Variants in DLG2 observed in about 807,000 individuals in gnomAD.
DLG2 encodes the protein disks large homolog 2.
Under a neutral mutation model 132.5 loss-of-function variants are expected in DLG2, and 45 were observed. The ratio of observed to expected loss-of-function variants is 0.34; its 90% CI spans 0.27 to 0.44. The LOEUF (loss-of-function observed/expected upper bound fraction) is 0.44, where lower values mean the gene tolerates loss of function less well. Among genes scored for constraint, DLG2 ranks in the 20% least tolerant of loss-of-function variants. DLG2 has a pLI of 1.00. For synonymous variants in DLG2, 424 were observed against 419.6 expected (o/e 1.01, Z -0.13); for missense variants, 1,045 against 1,196.9 (o/e 0.87, Z 1.87).
At chr11:84,707,614 G>T (rs1204733022) in intron 6 of DLG2, among the ~76,000 whole-genome samples, 1 of 151,758 alleles carries the variant, frequency 6.6e-6, no homozygotes, top group African/African-American at 2.4e-5. Context: ...GCTGAAAGAG[G>T]TCAGAAGCCA....
chr11:85,270,589 T>C (rs2077468893), intron 4 of DLG2, among the ~76,000 whole-genome samples: 1 of 152,138 alleles, frequency 6.6e-6, no homozygotes, highest in South Asian at 2.1e-4. Flanking sequence ...GAGGAAAATG[T>C]GGGAAAGTTT....
intron 6 of DLG2, among the ~76,000 whole-genome samples, chr11:84,871,825 C>G (rs755642201): frequency 6.6e-5 from 10 of 152,032 alleles, no homozygotes; most frequent in Non-Finnish European, 1.2e-4. Context: ...TGGGTTCAAG[C>G]GAGCATGTGC....
At chr11:84,741,000 T>G (rs1486702058) in intron 6 of DLG2, among the ~76,000 whole-genome samples, 2 of 149,836 alleles carry the variant, frequency 1.3e-5, no homozygotes, top group Non-Finnish European at 3.0e-5. Context: ...AGCATCCCCA[T>G]GGACTACGCA....
At chr11:85,243,094 G>C (rs1365168830) in intron 4 of DLG2, among the ~76,000 whole-genome samples, 1 of 151,872 alleles carries the variant, frequency 6.6e-6, no homozygotes, top group Non-Finnish European at 1.5e-5. Flanking sequence ...TAGCCTAATG[G>C]ACCAATCCCT....
At chr11:83,476,817 G>T (rs1035104077) in intron 22 of DLG2, among the ~76,000 whole-genome samples, 1 of 152,076 alleles carries the variant, frequency 6.6e-6, no homozygotes, top group African/African-American at 2.4e-5. Flanking sequence ...TATGGAAATG[G>T]GGCTATTAAT....
intron 7 of DLG2, among the ~76,000 whole-genome samples, chr11:84,307,324 A>G (rs2098230677): frequency 6.6e-6 from 1 of 152,136 alleles, no homozygotes; most frequent in South Asian, 2.1e-4. Context: ...AAAGGGGAAC[A>G]ATAGACACCA....
intron 19 of DLG2, among the ~76,000 whole-genome samples, chr11:83,590,392 T>C (rs2097167217): frequency 6.6e-6 from 1 of 152,152 alleles, no homozygotes; most frequent in Non-Finnish European, 1.5e-5. Flanking sequence ...GAATGACTAC[T>C]GGATACATAA....
rs182423300 is a variant in DLG2 at position 85,528,948 on chromosome 11, T to C, written c.40+69709A>G. 1.3e-3 allele frequency among the ~76,000 whole-genome samples: 204 copies of C among 152,260 alleles called. 2 individuals carry two copies. Among genetic ancestry groups the C allele is most frequent in the Admixed American group, 2.6e-3 (40 of 15,290 alleles). On this transcript the variant is annotated intron_variant, in intron 3 of 27. Transcript: ENST00000376104. ...AGAAACAACTCATGTTATTCACCAATAGACTGAACAAATTGTGGAATATTC... is the reference window on the plus strand; with the variant it reads ...AGAAACAACTCATGTTATTCACCAACAGACTGAACAAATTGTGGAATATTC...
At chr11:84,052,396 C>A (rs1486300082) in intron 11 of DLG2, among the ~76,000 whole-genome samples, 1 of 151,622 alleles carries the variant, frequency 6.6e-6, no homozygotes, top group African/African-American at 2.4e-5. Flanking sequence ...ATTAATTCAA[C>A]AAATATTCTA....
rs372849311 is a variant in DLG2 at position 84,114,221 on chromosome 11, T to G, written c.625-15174A>C. ...CTGTAGACAGAATACACATAAACTA[T>G]AGGAGCTCTTCATGAATTTTAAGTG... On this transcript the variant is annotated intron_variant, in intron 9 of 27. Coordinates refer to ENST00000376104, the MANE Select transcript of DLG2 (RefSeq NM_001142699.3). Among the ~76,000 whole-genome samples the G allele has an allele frequency of 6.6e-5, 10 of 152,282 alleles. No homozygotes were observed. The East Asian group carries it at 1.7e-3, about 26-fold the overall frequency.
chr11:83,874,053 G>T (rs899421300), intron 16 of DLG2, among the ~76,000 whole-genome samples: 6 of 151,816 alleles, frequency 4.0e-5, no homozygotes, highest in Non-Finnish European at 5.9e-5. Flanking sequence ...TGGCACATAA[G>T]GTGAGTTTCC....
intron 19 of DLG2, among the ~76,000 whole-genome samples, chr11:83,575,520 A>T (rs1408342122): frequency 6.6e-6 from 1 of 152,182 alleles, no homozygotes; most frequent in Non-Finnish European, 1.5e-5. Flanking sequence ...CAGAGTACTG[A>T]TTGGCATCTG....
At chr11:84,641,224 T>C (rs1349902867) in intron 6 of DLG2, among the ~76,000 whole-genome samples, 1 of 152,056 alleles carries the variant, frequency 6.6e-6, no homozygotes, top group Non-Finnish European at 1.5e-5. Context: ...TTATTCAAAC[T>C]CTCTCTGTCT....
chr11:84,162,368 C>T (rs923174347), intron 9 of DLG2, among the ~76,000 whole-genome samples: 1 of 151,370 alleles, frequency 6.6e-6, no homozygotes, highest in Non-Finnish European at 1.5e-5. Context: ...ATTTTAAATA[C>T]CATTTTAAAA....
chr11:84,664,539 C>G (rs1421916652), intron 6 of DLG2, among the ~76,000 whole-genome samples: 1 of 152,108 alleles, frequency 6.6e-6, no homozygotes, highest in African/African-American at 2.4e-5. Context: ...ATCCAAATTA[C>G]CACATATTGT....
At chr11:85,034,626 A>T (rs2061306376) in intron 6 of DLG2, among the ~76,000 whole-genome samples, 1 of 152,182 alleles carries the variant, frequency 6.6e-6, no homozygotes, top group Non-Finnish European at 1.5e-5. Flanking sequence ...AAAACTTCAG[A>T]GTCTAGGCTT....
At chr11:83,689,564 A>G (rs2080476284) in intron 18 of DLG2, among the ~76,000 whole-genome samples, 1 of 152,116 alleles carries the variant, frequency 6.6e-6, no homozygotes, top group Non-Finnish European at 1.5e-5. Context: ...TTCCTCATCT[A>G]TCAAATGAGG....
At chr11:83,516,718 T>C (rs996259173) in intron 21 of DLG2, among the ~76,000 whole-genome samples, 2 of 152,226 alleles carry the variant, frequency 1.3e-5, no homozygotes, top group African/African-American at 4.8e-5. Context: ...AGGGCAGGCC[T>C]GGTGGTGACA....
intron 18 of DLG2, among the ~76,000 whole-genome samples, chr11:83,731,539 G>T (rs911203823): frequency 6.6e-6 from 1 of 152,156 alleles, no homozygotes; most frequent in South Asian, 2.1e-4. Flanking sequence ...GTCTATCATA[G>T]ATAGGCATCT....
Sources: allele counts gnomAD v4.1 joint callset (sites outside exome capture counted in the v4.1 genomes callset), GRCh38; gene constraint gnomAD v4.1.1; transcripts MANE v1.5; gene names NCBI Gene and HGNC (gene_info 2026-07-23, HGNC 2026-07-21).